Variants in FBXW4 observed in about 807,000 individuals in gnomAD.
The protein encoded by FBXW4 is F-box and WD repeat domain containing 4.
In FBXW4, 40 loss-of-function variants were observed where a neutral mutation model predicts 61.8. The ratio of observed to expected loss-of-function variants is 0.65; its 90% CI spans 0.50 to 0.84. FBXW4 has a LOEUF of 0.84. Ranked by LOEUF, FBXW4 falls within the 40% of genes least tolerant of loss-of-function variation. The pLI is 0.00. For missense variants in FBXW4, 672 were observed against 753.8 expected (o/e 0.89, Z 1.27); for synonymous variants, 311 against 313.8 (o/e 0.99, Z 0.10).
At chr10:101,675,137 G>C (rs1038103989) in intron 2 of FBXW4, among the ~76,000 whole-genome samples, 2 of 152,224 alleles carry the variant, frequency 1.3e-5, no homozygotes, top group Non-Finnish European at 2.9e-5. Context: ...CTGAGTTTCT[G>C]CTCATGAGGT....
At chr10:101,642,525 C>T (rs1447575965) in intron 5 of FBXW4, among the ~76,000 whole-genome samples, 1 of 152,126 alleles carries the variant, frequency 6.6e-6, no homozygotes, top group Admixed American at 6.5e-5. Flanking sequence ...CAAGCTACAA[C>T]ACCCCTCTGG....
chr10:101,622,652 C>T (rs2063876057), intron 6 of FBXW4, among the ~76,000 whole-genome samples: 1 of 141,610 alleles, frequency 7.1e-6, no homozygotes, highest in Non-Finnish European at 1.5e-5. Flanking sequence ...GGCGTGAACT[C>T]AGGAGGCAGA....
chr10:101,679,233 A>G (rs1029039665), intron 1 of FBXW4, among the ~76,000 whole-genome samples: 2 of 152,238 alleles, frequency 1.3e-5, no homozygotes, highest in Non-Finnish European at 2.9e-5. Flanking sequence ...TAAATTATAC[A>G]GAATGTTATA....
intron 6 of FBXW4, among the ~76,000 whole-genome samples, chr10:101,622,332 A>G (rs1426318230): frequency 1.3e-5 from 2 of 152,228 alleles, no homozygotes; most frequent in African/African-American, 2.4e-5. Flanking sequence ...AAGAGTTCTT[A>G]GACTTGACAC....
chr10:101,661,594 C>G (rs138834469), intron 5 of FBXW4, among the ~76,000 whole-genome samples: 2 of 152,282 alleles, frequency 1.3e-5, no homozygotes, highest in Non-Finnish European at 2.9e-5. Context: ...CCATCTTTCT[C>G]CGGGTGTCAT....
At chr10:101,659,641 C>T (rs1170782152) in intron 5 of FBXW4, among the ~76,000 whole-genome samples, 2 of 152,190 alleles carry the variant, frequency 1.3e-5, no homozygotes, top group Non-Finnish European at 2.9e-5. Flanking sequence ...TCCCCAAATG[C>T]TGCCAAATAT....
intron 1 of FBXW4, among the ~76,000 whole-genome samples, chr10:101,688,419 TG>T (rs1293878728): frequency 6.6e-6 from 1 of 152,188 alleles, no homozygotes; most frequent in African/African-American, 2.4e-5. Context: ...AGGGGCCCAT[TG>T]GGTGGCCCAG....
intron 4 of FBXW4, among the ~76,000 whole-genome samples, chr10:101,671,003 G>C (rs1017473958): frequency 1.3e-5 from 2 of 152,238 alleles, no homozygotes; most frequent in Non-Finnish European, 2.9e-5. Context: ...CCCAAAAATA[G>C]ATGGTTACAG....
At chr10:101,618,989 G>T (rs2063846979) in intron 6 of FBXW4, among the ~76,000 whole-genome samples, 1 of 152,158 alleles carries the variant, frequency 6.6e-6, no homozygotes, top group Non-Finnish European at 1.5e-5. Context: ...GCTGCCAGGA[G>T]CTGGGCCCCA....
chr10:101,663,997 G>A (rs541162489), intron 5 of FBXW4, among the ~76,000 whole-genome samples: 2 of 152,318 alleles, frequency 1.3e-5, no homozygotes, highest in South Asian at 4.1e-4. Context: ...CTTTCCTTTG[G>A]AGCCTGCTGG....
chr10:101,671,774 G>A (rs565721407), intron 4 of FBXW4, among the ~76,000 whole-genome samples: 7 of 152,314 alleles, frequency 4.6e-5, no homozygotes, highest in Non-Finnish European at 1.0e-4. Flanking sequence ...GAAGCCTGAA[G>A]TAAGTATGAA....
At position 101,695,119 on chromosome 10, in the gene FBXW4, G is replaced by C; in HGVS notation, c.-14C>G. On this transcript the variant is annotated 5_prime_UTR_variant, in exon 1 of 9. Transcript: ENST00000331272. The surrounding 1 kb of genome is among the most constrained non-coding windows in gnomAD (Gnocchi z 4.2). ...CTGGCTGCCCATGAGCGGCCGCGGG[G>C]CCGGCCCGACGCGGAGCCCAGCCCG... 3 of 985,252 alleles carry C rather than the reference G, an allele frequency of 3.0e-6. No individual in the cohort carries two copies. Among genetic ancestry groups the C allele is most frequent in the Non-Finnish European group, 3.6e-6 (3 of 830,116 alleles). The allele number at this position is 985,252 out of a possible 1,614,324, so 61.0% of individuals were successfully genotyped here. A position where few individuals can be genotyped will look rare whatever the true frequency, so the allele number is the denominator to read the frequency against.
At chr10:101,663,622 G>T (rs1402852212) in intron 5 of FBXW4, among the ~76,000 whole-genome samples, 1 of 150,308 alleles carries the variant, frequency 6.7e-6, no homozygotes, top group Non-Finnish European at 1.5e-5. Context: ...TGCACTCCAG[G>T]CAAGACCCTG....
intron 1 of FBXW4, among the ~76,000 whole-genome samples, chr10:101,683,952 T>A (rs1273612695): frequency 6.6e-6 from 1 of 151,878 alleles, no homozygotes; most frequent in Non-Finnish European, 1.5e-5. Flanking sequence ...GGCTTGGAAT[T>A]TTATTTTATT....
At chr10:101,631,996 A>G (rs1422659544) in intron 5 of FBXW4, among the ~76,000 whole-genome samples, 1 of 152,198 alleles carries the variant, frequency 6.6e-6, no homozygotes, top group Non-Finnish European at 1.5e-5. Flanking sequence ...AAGGGCAGGC[A>G]GACCTGAAGG....
chr10:101,694,413 G>A lies in FBXW4; in HGVS notation c.693C>T (p.Leu231=), dbSNP rs755740500. The A allele has an allele frequency of 2.0e-6, 3 of 1,507,810 alleles. No homozygotes were observed. The highest frequency in any genetic ancestry group is 1.4e-5 in the African/African-American group (1 of 69,206). The allele number at this position is 1,507,810 out of a possible 1,614,324, so 93.4% of individuals were successfully genotyped here. A position where few individuals can be genotyped will look rare whatever the true frequency, so the allele number is the denominator to read the frequency against. Residue 231 remains leucine (L), a synonymous_variant, in exon 1 of 9, where the codon CTC becomes CTT. Coordinates refer to ENST00000331272, the MANE Select transcript of FBXW4 (RefSeq NM_022039.4). This position sits in a 1 kb window ranked among gnomAD's most constrained non-coding sequence, Gnocchi z 6.0. ...TGCCGAGCCGCGTGAAGCCGGAGTT[G>A]AGCGAGGCCCGGGCTATCCGGCGCC... The part of the protein sequence containing the change: ...LLWRRIARAS[L]NSGFTRLGTD...
chr10:101,611,042 C>T lies in FBXW4; in HGVS notation c.*249G>A, dbSNP rs2063776735. On this transcript the variant is annotated 3_prime_UTR_variant, in exon 9 of 9. Transcript: ENST00000331272. This position sits in a 1 kb window ranked among gnomAD's most constrained non-coding sequence, Gnocchi z 4.9. Reference sequence around the variant, plus strand: ...GCTCTGGCCAAACAGGGACGCAAGGCCCGGGTTCAGCCGCACTCTAAAGCA... The same window carrying T: ...GCTCTGGCCAAACAGGGACGCAAGGTCCGGGTTCAGCCGCACTCTAAAGCA... 2 of 414,802 alleles carry T rather than the reference C, an allele frequency of 4.8e-6. No individual in the cohort carries two copies. Among genetic ancestry groups the T allele is most frequent in the Admixed American group, 7.9e-5 (2 of 25,262 alleles). 25.7% of individuals were successfully genotyped at this position (414,802 alleles called of 1,614,324 possible).
At chr10:101,693,972 G>C (rs1198409644) in intron 1 of FBXW4, among the ~76,000 whole-genome samples, 1 of 152,150 alleles carries the variant, frequency 6.6e-6, no homozygotes, top group Non-Finnish European at 1.5e-5. Context: ...ATTTATGATA[G>C]ACCACTTAAG....
At chr10:101,680,216 G>A (rs1015942759) in intron 1 of FBXW4, among the ~76,000 whole-genome samples, 1 of 151,770 alleles carries the variant, frequency 6.6e-6, no homozygotes, top group African/African-American at 2.4e-5. Flanking sequence ...AAAATATGAG[G>A]GTGAATTTAA....
Sources: gnomAD v4.1 joint callset for allele counts (sites outside exome capture counted in the v4.1 genomes callset) on GRCh38, gnomAD v4.1.1 for gene constraint, Gnocchi (gnomAD v3.1) non-coding constraint, MANE v1.5 for transcripts, NCBI Gene and HGNC (gene_info 2026-07-23, HGNC 2026-07-21) for gene names.